Variants in FBH1 observed in about 807,000 individuals in gnomAD.
FBH1 encodes F-box DNA helicase 1.
A neutral mutation model predicts 115.5 loss-of-function variants in FBH1; 43 were observed. The ratio of observed to expected loss-of-function variants is 0.37; its 90% CI spans 0.29 to 0.48. The LOEUF (loss-of-function observed/expected upper bound fraction) is 0.48, where lower values mean the gene tolerates loss of function less well. Among genes scored for constraint, FBH1 ranks in the 20% least tolerant of loss-of-function variants. The pLI, the probability that FBH1 is intolerant of heterozygous loss-of-function variation, is 0.99. For missense variants in FBH1, 1,001 were observed against 1,337.3 expected, an observed-to-expected ratio of 0.75 and a Z score of 3.92; for synonymous variants, 524 against 507.8, an observed-to-expected ratio of 1.03 and a Z score of -0.43.
rs971443652 is a variant in FBH1, at chr10:5,913,584, A to G, written c.1212-163A>G. ...CTGTGTTATCTGAGAATGCTTTGCC[A>G]GCCATAGATATATTTAAATCCTTTT... On this transcript the variant is annotated intron_variant, in intron 6 of 20. Coordinates refer to ENST00000362091, the MANE Select transcript of FBH1 (RefSeq NM_178150.3). This position sits in a 1 kb window ranked among gnomAD's most constrained non-coding sequence, Gnocchi z 4.4. Among the ~76,000 whole-genome samples, 2 of 152,236 alleles carry G rather than the reference A, an allele frequency of 1.3e-5. No homozygotes were observed. The highest frequency in any genetic ancestry group is 2.9e-5 in the Non-Finnish European group (2 of 68,038).
chr10:5,910,996 AC>A lies in FBH1; in HGVS notation c.1080del (p.Asp360GlufsTer16). ...GTGCTCCTCTCCAGCAGTGTGAATG[AC>A]ATCCAGCGACTGCTCTTCTGCCTCC... ...AVVLLSSSVN[D>X]IQRLLFCLRR... On this transcript the variant is annotated frameshift_variant, in exon 6 of 21. Coordinates refer to ENST00000362091, the MANE Select transcript of FBH1 (RefSeq NM_178150.3). LOFTEE classifies it high-confidence loss of function. This position sits in a 1 kb window ranked among gnomAD's most constrained non-coding sequence, Gnocchi z 4.8. 6.2e-7 allele frequency: 1 copy of A among 1,612,508 alleles called. No individual in the cohort carries two copies. Among genetic ancestry groups the A allele is most frequent in the Non-Finnish European group, 8.5e-7 (1 of 1,179,996 alleles).
rs762121217 is a variant in FBH1 at position 5,906,647 on chromosome 10, G to C, written c.753+15G>C. On this transcript the variant is annotated intron_variant, in intron 3 of 20. Coordinates refer to ENST00000362091, the MANE Select transcript of FBH1 (RefSeq NM_178150.3). The surrounding 1 kb of genome is among the most constrained non-coding windows in gnomAD (Gnocchi z 7.3). The stretch of plus-strand genomic sequence containing the variant: ...GTGACCCGCTGGTGAGTGAGTGCTG[G>C]AGTCGGGAGATGTTTCCTCTAAAAG... The C allele has an allele frequency of 6.3e-7, 1 of 1,577,348 alleles. No homozygotes were observed. Among genetic ancestry groups the C allele is most frequent in the Non-Finnish European group, 8.6e-7 (1 of 1,159,742 alleles).
At chr10:5,929,953 A>G (rs1002635217) in intron 19 of FBH1, 2 of 152,206 alleles carry the variant, frequency 1.3e-5, no homozygotes, top group African/African-American at 4.8e-5. Flanking sequence ...AGAAGTGGTT[A>G]GGCCTGTCAC....
rs760228698 is a variant in FBH1, at chr10:5,915,619, G to A, written c.1565+48G>A. ...GCACTGTTGCTGCTGGCACGGTCGCGTCTTACTGTTTTCCCGTGACGATCA... is the reference window on the plus strand; with the variant it reads ...GCACTGTTGCTGCTGGCACGGTCGCATCTTACTGTTTTCCCGTGACGATCA... On this transcript the variant is annotated intron_variant, in intron 9 of 20. Coordinates refer to ENST00000362091, the MANE Select transcript of FBH1 (RefSeq NM_178150.3). The surrounding 1 kb of genome is among the most constrained non-coding windows in gnomAD (Gnocchi z 5.2). 2.2e-5 allele frequency: 34 copies of A among 1,573,988 alleles called. 1 individual carries two copies. The highest frequency in any genetic ancestry group is 1.4e-4 in the Admixed American group (8 of 59,160).
At chr10:5,893,291 CAG>C (rs1842839828) in intron 1 of FBH1, among the ~76,000 whole-genome samples, 1 of 152,164 alleles carries the variant, frequency 6.6e-6, no homozygotes, top group Non-Finnish European at 1.5e-5. Context: ...GGACCACAGA[CAG>C]AGTGAGACTC....
rs1027793804 is a variant in FBH1 at position 5,931,861 on chromosome 10, C to T, written c.2829+4320C>T. Among the ~76,000 whole-genome samples, 8 of 152,124 alleles carry T rather than the reference C, an allele frequency of 5.3e-5. No individual in the cohort carries two copies. Among genetic ancestry groups the T allele is most frequent in the African/African-American group, 1.2e-4 (5 of 41,434 alleles). ...TAATGTTTTCAAAGTCAAAACCTTG[C>T]GCCTGGGCACAGTGGCTCACCCCTG... On this transcript the variant is annotated intron_variant, in intron 19 of 20. Transcript: ENST00000362091. The surrounding 1 kb of genome is among the most constrained non-coding windows in gnomAD (Gnocchi z 4.3).
chr10:5,923,765 GC>G lies in FBH1; in HGVS notation c.2398+72del. 6 of 1,432,666 alleles carry G rather than the reference GC, an allele frequency of 4.2e-6. No homozygotes were observed. The highest frequency in any genetic ancestry group is 5.9e-6 in the Non-Finnish European group (6 of 1,024,588). The allele number at this position is 1,432,666 out of a possible 1,614,324, so 88.7% of individuals were successfully genotyped here. A position where few individuals can be genotyped will look rare whatever the true frequency, so the allele number is the denominator to read the frequency against. ...AGTGACAGGGACGAGAAAGAAGCAG[GC>G]CCAGTCTGAGTCAGGGACCCGTTTC... On this transcript the variant is annotated intron_variant, in intron 16 of 20. Coordinates refer to ENST00000362091, the MANE Select transcript of FBH1 (RefSeq NM_178150.3). The surrounding 1 kb of genome is among the most constrained non-coding windows in gnomAD (Gnocchi z 5.7).
intron 1 of FBH1, chr10:5,894,254 G>T: frequency 7.2e-7 from 1 of 1,394,808 alleles, no homozygotes; most frequent in East Asian, 2.6e-5. Flanking sequence ...TTTCCATTTC[G>T]GGTCTACAGC....
intron 15 of FBH1, among the ~76,000 whole-genome samples, chr10:5,922,050 T>G (rs999920553): frequency 5.9e-5 from 9 of 152,102 alleles, no homozygotes; most frequent in Non-Finnish European, 1.0e-4. Context: ...TCACAGGGAG[T>G]TAGAAGGATT....
At position 5,897,672 on chromosome 10, in the gene FBH1, C is replaced by G. The variant is rs1488749749; in HGVS notation, c.2-5348C>G. On this transcript the variant is annotated intron_variant, in intron 1 of 20. Coordinates refer to ENST00000362091, the MANE Select transcript of FBH1 (RefSeq NM_178150.3). This position sits in a 1 kb window ranked among gnomAD's most constrained non-coding sequence, Gnocchi z 4.7. ...TCTTAGTGCACAGAGGCCAGATCAC[C>G]AGTCTAAGCGCCCCTCCCCCGGTAC... 1.3e-5 allele frequency among the ~76,000 whole-genome samples: 2 copies of G among 152,144 alleles called. No individual in the cohort carries two copies. Among genetic ancestry groups the G allele is most frequent in the Non-Finnish European group, 2.9e-5 (2 of 68,020 alleles).
rs1406695803 is a variant in FBH1, at chr10:5,915,635, G to T, written c.1565+64G>T. 1.3e-6 allele frequency: 2 copies of T among 1,500,852 alleles called. No individual in the cohort carries two copies. Among genetic ancestry groups the T allele is most frequent in the South Asian group, 1.2e-5 (1 of 82,834 alleles). The allele number at this position is 1,500,852 out of a possible 1,614,324, so 93.0% of individuals were successfully genotyped here. ...CACGGTCGCGTCTTACTGTTTTCCC[G>T]TGACGATCACATGTGAGCTTACACC... On this transcript the variant is annotated intron_variant, in intron 9 of 20. Transcript: ENST00000362091. This position sits in a 1 kb window ranked among gnomAD's most constrained non-coding sequence, Gnocchi z 5.2.
chr10:5,936,436 T>C lies in FBH1; in HGVS notation c.2830-20T>C. On this transcript the variant is annotated intron_variant, in intron 19 of 20. Coordinates refer to ENST00000362091, the MANE Select transcript of FBH1 (RefSeq NM_178150.3). This position sits in a 1 kb window ranked among gnomAD's most constrained non-coding sequence, Gnocchi z 5.6. ...ACGGAGGTGTCGCCATGACTCTCTT[T>C]CTCGCTCTTTCTTTCTCAGGAGTAC... 6.2e-7 allele frequency: 1 copy of C among 1,611,868 alleles called. No individual in the cohort carries two copies. The highest frequency in any genetic ancestry group is 1.3e-5 in the African/African-American group (1 of 74,932).
chr10:5,903,735 CAT>C, intron 2 of FBH1, among the ~76,000 whole-genome samples: 1 of 152,202 alleles, frequency 6.6e-6, no homozygotes, highest in South Asian at 2.1e-4. Flanking sequence ...TGATAGAAGA[CAT>C]GAGCCAGTGT....
At chr10:5,891,757 G>A (rs1231504213) in intron 1 of FBH1, among the ~76,000 whole-genome samples, 1 of 152,164 alleles carries the variant, frequency 6.6e-6, no homozygotes, top group Non-Finnish European at 1.5e-5. Flanking sequence ...TTACAGGCGT[G>A]TGCCACCATG....
chr10:5,936,825 C>T lies in FBH1; in HGVS notation c.2961+238C>T, dbSNP rs1048237205. 13 of 616,158 alleles carry T rather than the reference C, an allele frequency of 2.1e-5. No homozygotes were observed. The highest frequency in any genetic ancestry group is 3.3e-5 in the Non-Finnish European group (12 of 359,444). The allele number at this position is 616,158 out of a possible 1,614,324, so 38.2% of individuals were successfully genotyped here. A position where few individuals can be genotyped will look rare whatever the true frequency, so the allele number is the denominator to read the frequency against. On this transcript the variant is annotated intron_variant, in intron 20 of 20. Coordinates refer to ENST00000362091, the MANE Select transcript of FBH1 (RefSeq NM_178150.3). This position sits in a 1 kb window ranked among gnomAD's most constrained non-coding sequence, Gnocchi z 5.6. The stretch of plus-strand genomic sequence containing the variant: ...CTGGGAGGCTGGGTTGTGATACACG[C>T]TTAGAGAGAGAGCTGTTCCCTGGGG...
At chr10:5,889,747 G>A (rs1315227074), upstream of FBH1, 3 of 159,194 alleles carry the variant, frequency 1.9e-5, no homozygotes, top group Non-Finnish European at 2.7e-5. Flanking sequence ...AACACGTAAG[G>A]GAGTGGGGCG....
Position 5,910,980 on chromosome 10 carries a change from T to C in FBH1, c.1063T>C (p.Ser355Pro). 6.2e-7 allele frequency: 1 copy of C among 1,612,136 alleles called. No homozygotes were observed. The highest frequency in any genetic ancestry group is 8.5e-7 in the Non-Finnish European group (1 of 1,179,990). Residue 355 changes from serine to proline, a missense_variant, in exon 6 of 21, where the codon TCC (serine) becomes CCC (proline). Transcript: ENST00000362091. The surrounding 1 kb of genome is among the most constrained non-coding windows in gnomAD (Gnocchi z 4.8). ...WALVAAVVLL[S>P]SSVNDIQRLL... ...CCTGGTGGCGGCTGTGGTGCTCCTCTCCAGCAGTGTGAATGACATCCAGCG... is the reference window on the plus strand; with the variant it reads ...CCTGGTGGCGGCTGTGGTGCTCCTCCCCAGCAGTGTGAATGACATCCAGCG...
chr10:5,936,557 C>T lies in FBH1; in HGVS notation c.2931C>T (p.Val977=). 1 of 1,614,164 alleles carries T rather than the reference C, an allele frequency of 6.2e-7. No homozygotes were observed. Reference sequence around the variant, plus strand: ...ACAATGCCATCCCTGTTGACACCGTCCTTACCATGAAGAAGCTGCCCATCA... The same window carrying T: ...ACAATGCCATCCCTGTTGACACCGTTCTTACCATGAAGAAGCTGCCCATCA... ...QCNNAIPVDT[V]LTMKKLPITY... Residue 977 remains valine, a synonymous_variant, in exon 20 of 21, where the codon GTC becomes GTT. Transcript: ENST00000362091. The surrounding 1 kb of genome is among the most constrained non-coding windows in gnomAD (Gnocchi z 5.6).
At chr10:5,907,984 T>C (rs1843818992) in intron 3 of FBH1, among the ~76,000 whole-genome samples, 1 of 152,246 alleles carries the variant, frequency 6.6e-6, no homozygotes, top group African/African-American at 2.4e-5. Flanking sequence ...TATATTTTGC[T>C]GTTGTTGGGT....
Sources: allele counts gnomAD v4.1 joint callset (sites outside exome capture counted in the v4.1 genomes callset), GRCh38; gene constraint gnomAD v4.1.1; non-coding constraint Gnocchi (gnomAD v3.1); transcripts MANE v1.5; gene names NCBI Gene and HGNC (gene_info 2026-07-23, HGNC 2026-07-21).